The following KIF1B variants were observed in gnomAD, a reference collection of about 807,000 sequenced individuals.
The protein encoded by KIF1B is kinesin family member 1B, also known as kinesin-like protein KIF1B.
Under a neutral mutation model 241.9 loss-of-function variants are expected in KIF1B, and 76 were observed. The ratio of observed to expected loss-of-function variants is 0.31; its 90% CI spans 0.26 to 0.38. KIF1B has a LOEUF of 0.38. Among genes scored for constraint, KIF1B ranks in the 10% least tolerant of loss-of-function variants. KIF1B has a pLI of 1.00. For missense variants in KIF1B, 1,622 were observed against 2,271.4 expected, an observed-to-expected ratio of 0.71 and a Z score of 5.81; for synonymous variants, 750 against 796.7, an observed-to-expected ratio of 0.94 and a Z score of 0.99.
intron 1 of KIF1B, among the ~76,000 whole-genome samples, chr1:10,227,314 T>C (rs1557649248): frequency 6.6e-6 from 1 of 152,114 alleles, no homozygotes; most frequent in Non-Finnish European, 1.5e-5. Context: ...ATGACAGGCG[T>C]GAGCCACCGT....
chr1:10,254,911 A>G (rs1199133694), intron 2 of KIF1B, among the ~76,000 whole-genome samples: 1 of 150,830 alleles, frequency 6.6e-6, no homozygotes, highest in Non-Finnish European at 1.5e-5. Flanking sequence ...GCTGCTTTCA[A>G]ATAGTGGTTG....
chr1:10,370,226 G>A lies in KIF1B; in HGVS notation c.4825-915G>A, dbSNP rs938111824. 3.3e-5 allele frequency among the ~76,000 whole-genome samples: 5 copies of A among 152,224 alleles called. No individual in the cohort carries two copies. In the South Asian group the frequency reaches 1.0e-3, roughly 32 times the overall value. ...GATCGCACCACTGCACTCCAGTCTG[G>A]GTGACAGAGCGAGACTTCGTCTCTC... is the stretch of plus-strand genomic sequence containing the variant. On this transcript the variant is annotated intron_variant, in intron 44 of 48. Coordinates refer to ENST00000676179, the MANE Select transcript of KIF1B (RefSeq NM_001365951.3).
intron 1 of KIF1B, among the ~76,000 whole-genome samples, chr1:10,227,032 CTTTTTT>C (rs747870005): frequency 0.069 from 7,791 of 112,926 alleles, 283 homozygotes; most frequent in South Asian, 0.13. Flanking sequence ...GCAAGTCTCT[CTTTTTT>C]TTTTTTTTTT....
intron 2 of KIF1B, among the ~76,000 whole-genome samples, chr1:10,233,983 A>G (rs1036522059): frequency 1.3e-5 from 2 of 152,072 alleles, no homozygotes; most frequent in Non-Finnish European, 2.9e-5. Flanking sequence ...GTAATATTAC[A>G]TATTTTACTT....
chr1:10,362,282 C>T (rs1225810955), intron 40 of KIF1B, among the ~76,000 whole-genome samples: 1 of 151,908 alleles, frequency 6.6e-6, no homozygotes, highest in Non-Finnish European at 1.5e-5. Flanking sequence ...GAGTTTGAGA[C>T]CAGCCTGGGC....
Position 10,371,245 on chromosome 1 carries a change from C to T in KIF1B, c.4929C>T (p.Ser1643=). ...STCPSLVDSR[S]NSLDQKTPEA... ...GTCCCTCTCTGGTAGACTCTAGGAG[C>T]AACTCTCTGGATCAGAAGTAAGTAC... The change falls in exon 45 of 49, where the codon AGC becomes AGT. Residue 1643 remains serine (S), a synonymous_variant. Coordinates refer to ENST00000676179, the MANE Select transcript of KIF1B (RefSeq NM_001365951.3). The T allele has an allele frequency of 6.2e-7, 1 of 1,614,134 alleles. No homozygotes were observed.
rs750405644 is a variant in KIF1B, at chr1:10,334,569, A to T, written c.2974A>T (p.Arg992Trp). The change falls in exon 28 of 49, where the codon AGG (arginine) becomes TGG (tryptophan). Residue 992 changes from arginine (R) to tryptophan (W), a missense_variant. Coordinates refer to ENST00000676179, the MANE Select transcript of KIF1B (RefSeq NM_001365951.3). ...GCTGTATCCCGTGCCCCTGATCCAC[A>T]GGGTGGCCATCGTCAGTGAGAAAGG... Reference protein sequence around the residue: ...NLLYPVPLIHRVAIVSEKGEV... With the variant: ...NLLYPVPLIHWVAIVSEKGEV... 3 of 1,614,070 alleles carry T rather than the reference A, an allele frequency of 1.9e-6. No homozygotes were observed. The highest frequency in any genetic ancestry group is 1.7e-6 in the Non-Finnish European group (2 of 1,179,932).
In KIF1B at chr1:10,320,148, A is replaced by C; in HGVS notation, c.2209+12A>C. On this transcript the variant is annotated intron_variant, in intron 23 of 48. Coordinates refer to ENST00000676179, the MANE Select transcript of KIF1B (RefSeq NM_001365951.3). ...AGAAGAGGAAGAAGGTGAAATCTAG[A>C]GACCGAAAGTTTCCTGTGTATATCT... 1 of 1,570,640 alleles carries C rather than the reference A, an allele frequency of 6.4e-7. No individual in the cohort carries two copies. The highest frequency in any genetic ancestry group is 8.8e-7 in the Non-Finnish European group (1 of 1,141,048).
intron 22 of KIF1B, among the ~76,000 whole-genome samples, chr1:10,315,171 C>CTTTTTTT (rs765236286): frequency 2.5e-5 from 2 of 80,042 alleles, no homozygotes; most frequent in Non-Finnish European, 2.4e-5. Context: ...CAAGAATATT[C>CTTTTTTT]TTTTTTTTTT....
intron 45 of KIF1B, among the ~76,000 whole-genome samples, chr1:10,372,609 C>T (rs749550368): frequency 1.6e-4 from 23 of 142,410 alleles, no homozygotes; most frequent in Non-Finnish European, 2.3e-4. Flanking sequence ...ACCTGGGAGG[C>T]GGAGGTTGCA....
chr1:10,320,929 G>C (rs1318081625), intron 23 of KIF1B, among the ~76,000 whole-genome samples: 2 of 152,002 alleles, frequency 1.3e-5, no homozygotes, highest in Admixed American at 6.6e-5. Context: ...TCAAACTCCT[G>C]ACCTCAGGTG....
At chr1:10,261,159 G>T (rs1361889269) in intron 4 of KIF1B, among the ~76,000 whole-genome samples, 1 of 151,608 alleles carries the variant, frequency 6.6e-6, no homozygotes, top group Non-Finnish European at 1.5e-5. Context: ...TAGAGACGGG[G>T]TTTCACAATG....
chr1:10,223,421 T>C (rs912769393), intron 1 of KIF1B, among the ~76,000 whole-genome samples: 1 of 152,208 alleles, frequency 6.6e-6, no homozygotes, highest in Non-Finnish European at 1.5e-5. Context: ...ATACTGTTTA[T>C]AGTAGTAGAG....
At chr1:10,312,320 C>T (rs954535906) in intron 22 of KIF1B, among the ~76,000 whole-genome samples, 1 of 151,570 alleles carries the variant, frequency 6.6e-6, no homozygotes, top group Non-Finnish European at 1.5e-5. Context: ...CATCTCTTTT[C>T]ACCACCTTTG....
intron 37 of KIF1B, among the ~76,000 whole-genome samples, chr1:10,349,254 C>T (rs879762671): frequency 2.6e-5 from 4 of 151,822 alleles, no homozygotes; most frequent in Non-Finnish European, 5.9e-5. Flanking sequence ...GCCAAGGTAG[C>T]AAAATCCCAT....
intron 28 of KIF1B, among the ~76,000 whole-genome samples, chr1:10,335,356 G>A (rs935180618): frequency 2.6e-5 from 4 of 152,154 alleles, no homozygotes; most frequent in Non-Finnish European, 5.9e-5. Flanking sequence ...GGGTTCAAGC[G>A]ATTCTCATGC....
In KIF1B at chr1:10,324,909, T is replaced by A; in HGVS notation, c.2675+14T>A. ...ACTTGTGGGGAGGTATGTGATGATT[T>A]TGTTGATGTCTTCTTTTAAAATAAT... On this transcript the variant is annotated intron_variant, in intron 26 of 48. Coordinates refer to ENST00000676179, the MANE Select transcript of KIF1B (RefSeq NM_001365951.3). The A allele has an allele frequency of 6.2e-7, 1 of 1,613,920 alleles. No individual in the cohort carries two copies. The highest frequency in any genetic ancestry group is 8.5e-7 in the Non-Finnish European group (1 of 1,179,854).
chr1:10,319,248 C>T (rs1001115281), intron 22 of KIF1B, among the ~76,000 whole-genome samples: 2 of 152,052 alleles, frequency 1.3e-5, no homozygotes, highest in East Asian at 1.9e-4. Flanking sequence ...ATTATAGGCA[C>T]GTGCCACCAT....
intron 15 of KIF1B, 89 bp from the exon 16 acceptor site, chr1:10,290,993 A>G: frequency 4.1e-6 from 4 of 977,734 alleles, no homozygotes; most frequent in Non-Finnish European, 6.5e-6. Flanking sequence ...CTGTATCCTC[A>G]AAGGGCATGA....
Sources: allele counts gnomAD v4.1 joint callset (sites outside exome capture counted in the v4.1 genomes callset), GRCh38; gene constraint gnomAD v4.1.1; transcripts MANE v1.5; gene names NCBI Gene and HGNC (gene_info 2026-07-23, HGNC 2026-07-21).